The following GLIS3 variants were observed in gnomAD, a reference collection of about 807,000 sequenced individuals.
The protein encoded by GLIS3 is GLIS family zinc finger 3, also known as zinc finger protein GLIS3.
A neutral mutation model predicts 78.6 loss-of-function variants in GLIS3; 53 were observed. The observed-to-expected ratio is 0.67, with a 90% CI of 0.54 to 0.85. The LOEUF (loss-of-function observed/expected upper bound fraction) is 0.85. GLIS3 is among the 40% of genes least tolerant of loss of function. The pLI is 0.00. For missense variants in GLIS3, 1,703 were observed against 1,231.1 expected (o/e 1.38, Z -5.74); for synonymous variants, 684 against 509.9 (o/e 1.34, Z -4.60).
In GLIS3 at chr9:4,286,134, A is replaced by G. The variant is rs543374851; in HGVS notation, c.292T>C (p.Phe98Leu). 6.2e-7 allele frequency: 1 copy of G among 1,613,776 alleles called. No homozygotes were observed. Among genetic ancestry groups the G allele is most frequent in the African/African-American group, 1.3e-5 (1 of 75,062 alleles). The change falls in exon 2 of 11, where the codon TTC becomes CTC. Residue 98 changes from phenylalanine (F) to leucine (L), a missense_variant. Phe to Leu is a conservative substitution (Grantham distance 22). Transcript: ENST00000381971. Reference protein sequence around the residue: ...RQMLTNGKPRFQVTQAGGMSG... With the variant: ...RQMLTNGKPRLQVTQAGGMSG... ...ATGCCTCCAGCCTGGGTGACCTGGA[A>G]TCGCGGCTTCCCATTGGTGAGCATT...
chr9:4,031,010 G>C (rs1009480265), intron 4 of GLIS3, among the ~76,000 whole-genome samples: 2 of 152,184 alleles, frequency 1.3e-5, no homozygotes, highest in African/African-American at 4.8e-5. Context: ...GTGTTGGCCA[G>C]GAAGTGGAGA....
At chr9:4,399,540 C>A in the GLIS3 span, among the ~76,000 whole-genome samples, 1 of 152,232 alleles carries the variant, frequency 6.6e-6, no homozygotes, top group Non-Finnish European at 1.5e-5. Context: ...TGCCATTTCC[C>A]CTGTACCATG....
At chr9:3,996,637 T>A (rs1027988584) in intron 4 of GLIS3, among the ~76,000 whole-genome samples, 1 of 152,060 alleles carries the variant, frequency 6.6e-6, no homozygotes, top group African/African-American at 2.4e-5. Flanking sequence ...GGAAAAAAAC[T>A]GCAAAACTAA....
chr9:4,169,012 G>C (rs943364831), intron 2 of GLIS3, among the ~76,000 whole-genome samples: 1 of 152,142 alleles, frequency 6.6e-6, no homozygotes, highest in Non-Finnish European at 1.5e-5. Context: ...GGTAGTATTT[G>C]GATATTTTTT....
chr9:3,967,924 GT>G (rs1244212927), intron 4 of GLIS3, among the ~76,000 whole-genome samples: 2 of 152,166 alleles, frequency 1.3e-5, no homozygotes, highest in African/African-American at 4.8e-5. Flanking sequence ...TTTGTGCATT[GT>G]TGTGAGCAAA....
chr9:4,277,169 G>A (rs1827105952), intron 2 of GLIS3, among the ~76,000 whole-genome samples: 1 of 152,094 alleles, frequency 6.6e-6, no homozygotes, highest in African/African-American at 2.4e-5. Context: ...ACACACTGGT[G>A]TTAGCAGACT....
the GLIS3 span, among the ~76,000 whole-genome samples, chr9:4,375,644 T>G: frequency 6.6e-6 from 1 of 152,240 alleles, no homozygotes; most frequent in Non-Finnish European, 1.5e-5. Flanking sequence ...TCCCTCCTTA[T>G]GGAATGTTTG....
At chr9:4,224,744 T>A (rs1264376449) in intron 2 of GLIS3, among the ~76,000 whole-genome samples, 1 of 151,466 alleles carries the variant, frequency 6.6e-6, no homozygotes, top group East Asian at 1.9e-4. Context: ...TATTTCTATC[T>A]TTGAAAGCTG....
chr9:4,078,020 G>A (rs1225668790), intron 4 of GLIS3, among the ~76,000 whole-genome samples: 1 of 151,998 alleles, frequency 6.6e-6, no homozygotes, highest in Non-Finnish European at 1.5e-5. Flanking sequence ...TCTTTATAGT[G>A]AGCTCTCTGT....
intron 4 of GLIS3, chr9:4,054,323 C>G: frequency 1.0e-6 from 1 of 985,308 alleles, no homozygotes; most frequent in Non-Finnish European, 1.2e-6. Flanking sequence ...GTTTCCACAA[C>G]TCCACAAGAC....
At chr9:4,156,300 C>T (rs1004904464) in intron 2 of GLIS3, among the ~76,000 whole-genome samples, 2 of 152,186 alleles carry the variant, frequency 1.3e-5, no homozygotes, top group Non-Finnish European at 2.9e-5. Flanking sequence ...CTTTCCTACA[C>T]GAATTTCTCT....
At chr9:4,353,534 G>A in the GLIS3 span, among the ~76,000 whole-genome samples, 1 of 152,110 alleles carries the variant, frequency 6.6e-6, no homozygotes, top group Non-Finnish European at 1.5e-5. Flanking sequence ...CTGGGCACTG[G>A]CATGTGTACT....
At chr9:4,469,041 G>A in the GLIS3 span, among the ~76,000 whole-genome samples, 3 of 152,262 alleles carry the variant, frequency 2.0e-5, no homozygotes, top group African/African-American at 7.2e-5. Flanking sequence ...GACAAAAAAG[G>A]CCATTACATA....
chr9:4,327,245 CTG>C (rs949288246), intron 2 of GLIS3, among the ~76,000 whole-genome samples: 6 of 152,078 alleles, frequency 3.9e-5, no homozygotes, highest in African/African-American at 1.4e-4. Context: ...AGCAGTGAGA[CTG>C]AGAGAGCAGA....
At chr9:4,483,311 G>C in the GLIS3 span, among the ~76,000 whole-genome samples, 2 of 152,210 alleles carry the variant, frequency 1.3e-5, no homozygotes, top group Non-Finnish European at 2.9e-5. Flanking sequence ...CAGCACATTA[G>C]AGACCAAAGT....
intron 4 of GLIS3, among the ~76,000 whole-genome samples, chr9:3,978,102 G>A (rs989667976): frequency 2.6e-5 from 4 of 152,212 alleles, no homozygotes; most frequent in Non-Finnish European, 1.5e-5. Flanking sequence ...GATGAAGGGT[G>A]AAGCCCGCTG....
At chr9:3,938,549 C>T (rs1411766007) in intron 4 of GLIS3, among the ~76,000 whole-genome samples, 4 of 152,106 alleles carry the variant, frequency 2.6e-5, no homozygotes, top group Non-Finnish European at 5.9e-5. Flanking sequence ...AATAATTAAA[C>T]ATGTCATCAC....
chr9:3,845,693 C>G (rs17691732), intron 9 of GLIS3, among the ~76,000 whole-genome samples: 12,865 of 152,196 alleles, frequency 0.085, 721 homozygotes, highest in East Asian at 0.21. Context: ...TGAGCAAGCA[C>G]AGTGCATAAT....
intron 9 of GLIS3, among the ~76,000 whole-genome samples, chr9:3,853,216 T>G (rs1051870424): frequency 2.6e-5 from 4 of 152,106 alleles, no homozygotes; most frequent in African/African-American, 7.2e-5. Flanking sequence ...AAAAAGTAAA[T>G]TGTTTTTAAT....
Sources: allele counts gnomAD v4.1 joint callset (sites outside exome capture counted in the v4.1 genomes callset), GRCh38; gene constraint gnomAD v4.1.1; transcripts MANE v1.5; gene names NCBI Gene and HGNC (gene_info 2026-07-23, HGNC 2026-07-21).